The following RMST variants were observed in gnomAD, a reference collection of about 807,000 sequenced individuals.
RMST encodes the protein rhabdomyosarcoma 2 associated transcript.
intron 10 of RMST, among the ~76,000 whole-genome samples, chr12:97,499,835 T>G (rs2136474480): frequency 6.6e-6 from 1 of 152,158 alleles, no homozygotes. Flanking sequence ...AATTTTTGTA[T>G]TTTTGTACAG....
chr12:97,529,193 T>C (rs1881405137), intron 10 of RMST, among the ~76,000 whole-genome samples: 1 of 152,128 alleles, frequency 6.6e-6, no homozygotes, highest in Non-Finnish European at 1.5e-5. Context: ...CCTTGCTCTG[T>C]AGTTTCAGGA....
At chr12:97,480,077 C>CTT (rs1875052868) in intron 5 of RMST, among the ~76,000 whole-genome samples, 3 of 143,276 alleles carry the variant, frequency 2.1e-5, no homozygotes, top group African/African-American at 7.9e-5. Context: ...CTTTTCTTTT[C>CTT]TTTTCTTTTT....
chr12:97,495,178 G>GGGGC (rs1555230759), intron 9 of RMST, among the ~76,000 whole-genome samples: 3 of 150,812 alleles, frequency 2.0e-5, no homozygotes, highest in South Asian at 2.1e-4. Flanking sequence ...TATTCTTATG[G>GGGGC]GGGGGGAGCC....
chr12:97,477,163 T>C (rs769965324), intron 5 of RMST, among the ~76,000 whole-genome samples: 9 of 152,186 alleles, frequency 5.9e-5, no homozygotes, highest in Non-Finnish European at 1.3e-4. Flanking sequence ...TTAAGAGACA[T>C]AGTGCATGGG....
At chr12:97,483,591 A>G (rs1225050429) in intron 5 of RMST, 1 of 152,180 alleles carries the variant, frequency 6.6e-6, no homozygotes, top group Non-Finnish European at 1.5e-5. Flanking sequence ...TCGATGATTT[A>G]AAAAACTTGT....
In RMST at chr12:97,509,826, T is replaced by C. The variant is rs75225282; in HGVS notation, n.1340+13770T>C. 5.1e-3 allele frequency among the ~76,000 whole-genome samples: 771 copies of C among 152,330 alleles called. 8 individuals are homozygous for C. The highest frequency in any genetic ancestry group is 0.018 in the African/African-American group (740 of 41,576). On this transcript the variant is annotated intron_variant and non_coding_transcript_variant, in intron 10 of 13. Transcript: ENST00000640149. ...ACAAATATATATTGAATGTCTGTTG[T>C]GTGATAGGCATTTTTTTGGGTGATG...
At chr12:97,492,056 G>T in intron 5 of RMST, 2 of 485,718 alleles carry the variant, frequency 4.1e-6, no homozygotes, top group Admixed American at 3.9e-5. Flanking sequence ...ATGTGCACAG[G>T]TTTGATGAGT....
intron 5 of RMST, among the ~76,000 whole-genome samples, chr12:97,470,347 A>G (rs577540917): frequency 3.4e-4 from 51 of 152,138 alleles, no homozygotes; most frequent in Middle Eastern, 6.8e-3. Flanking sequence ...ATAGGACCCG[A>G]AGACTAGGAA....
chr12:97,537,608 G>A (rs1320329982), intron 11 of RMST, among the ~76,000 whole-genome samples: 1 of 151,374 alleles, frequency 6.6e-6, no homozygotes, highest in Admixed American at 6.6e-5. Flanking sequence ...TGCAGCTGTG[G>A]ATGGTATCTG....
intron 10 of RMST, among the ~76,000 whole-genome samples, chr12:97,502,918 T>G (rs1301724857): frequency 6.6e-6 from 1 of 152,272 alleles, no homozygotes; most frequent in Non-Finnish European, 1.5e-5. Context: ...GTGACTTCCT[T>G]GGGCTCTTTT....
At chr12:97,510,593 T>TA (rs1341981626) in intron 10 of RMST, among the ~76,000 whole-genome samples, 1 of 152,242 alleles carries the variant, frequency 6.6e-6, no homozygotes, top group East Asian at 1.9e-4. Context: ...GAATCTTAGT[T>TA]ATTCTATTTG....
intron 10 of RMST, among the ~76,000 whole-genome samples, chr12:97,497,763 A>C (rs894019044): frequency 2.0e-5 from 3 of 152,120 alleles, no homozygotes; most frequent in Non-Finnish European, 2.9e-5. Flanking sequence ...TTAATCAAAG[A>C]AACACATATA....
At chr12:97,511,377 G>C (rs1879274696) in intron 10 of RMST, among the ~76,000 whole-genome samples, 1 of 152,108 alleles carries the variant, frequency 6.6e-6, no homozygotes, top group African/African-American at 2.4e-5. Flanking sequence ...TTGAACTCCT[G>C]ACCACAAGTG....
chr12:97,514,801 C>T (rs1879771977), intron 10 of RMST, among the ~76,000 whole-genome samples: 1 of 151,806 alleles, frequency 6.6e-6, no homozygotes, highest in Non-Finnish European at 1.5e-5. Flanking sequence ...GGAAAAAAAT[C>T]ATTTGAATTA....
chr12:97,563,337 A>G (rs1418378915), intron 13 of RMST: 1 of 180,674 alleles, frequency 5.5e-6, no homozygotes, highest in Non-Finnish European at 1.1e-5. Flanking sequence ...ACGCTTACAT[A>G]GTCAAACAGG....
intron 11 of RMST, among the ~76,000 whole-genome samples, chr12:97,538,887 T>C (rs1882295886): frequency 6.6e-6 from 1 of 151,438 alleles, no homozygotes; most frequent in Non-Finnish European, 1.5e-5. Flanking sequence ...GATTCACAAA[T>C]GATTCACAGC....
chr12:97,480,097 TTC>T (rs1875072813), intron 5 of RMST, among the ~76,000 whole-genome samples: 1 of 73,454 alleles, frequency 1.4e-5, no homozygotes, highest in Non-Finnish European at 3.5e-5. Context: ...TTCTTTTTTT[TTC>T]TTTTTTTTTG....
chr12:97,494,766 C>G (rs1432099852), exon 9 of RMST: 1 of 152,012 alleles, frequency 6.6e-6, no homozygotes, highest in African/African-American at 2.4e-5. Context: ...TACTCTAACT[C>G]CGATTATTAC....
intron 11 of RMST, among the ~76,000 whole-genome samples, chr12:97,544,086 AGAG>A (rs1882756844): frequency 6.6e-6 from 1 of 152,066 alleles, no homozygotes; most frequent in Admixed American, 6.6e-5. Flanking sequence ...AAAAGAAAGA[AGAG>A]GAGACTAGAA....
Sources: gnomAD v4.1 joint callset for allele counts (sites outside exome capture counted in the v4.1 genomes callset) on GRCh38, gnomAD v4.1.1 for gene constraint, MANE v1.5 for transcripts, NCBI Gene and HGNC (gene_info 2026-07-23, HGNC 2026-07-21) for gene names.